The following CSMD1 variants were observed in gnomAD, a reference collection of about 807,000 sequenced individuals.
CSMD1 encodes the protein CUB and Sushi multiple domains 1.
A neutral mutation model predicts 417.5 loss-of-function variants in CSMD1; 213 were observed. The ratio of observed to expected loss-of-function variants is 0.51; its 90% CI spans 0.46 to 0.57. The LOEUF (loss-of-function observed/expected upper bound fraction) is 0.57, where lower values mean the gene tolerates loss of function less well. Ranked by LOEUF, CSMD1 falls within the 20% of genes least tolerant of loss-of-function variation. CSMD1 has a pLI of 0.00. For missense variants in CSMD1, 6,923 were observed against 4,529.7 expected, an observed-to-expected ratio of 1.53 and a Z score of -15.17; for synonymous variants, 2,862 against 1,736.8, an observed-to-expected ratio of 1.65 and a Z score of -16.11.
intron 1 of CSMD1, among the ~76,000 whole-genome samples, chr8:4,854,115 G>A (rs746444193): frequency 2.0e-5 from 3 of 152,146 alleles, no homozygotes; most frequent in Non-Finnish European, 4.4e-5. Context: ...GAACTTTTGA[G>A]TTAATGCAGA....
chr8:4,522,651 T>C (rs767057633), intron 2 of CSMD1, among the ~76,000 whole-genome samples: 14 of 152,176 alleles, frequency 9.2e-5, no homozygotes, highest in Non-Finnish European at 1.9e-4. Context: ...GTTCGGATTT[T>C]CTTCTCTGTC....
At chr8:4,185,919 G>C (rs1798648913) in intron 3 of CSMD1, among the ~76,000 whole-genome samples, 1 of 152,038 alleles carries the variant, frequency 6.6e-6, no homozygotes, top group South Asian at 2.1e-4. Context: ...ATTACGTTGA[G>C]TTCATTTCCC....
chr8:3,372,936 G>T (rs553199138), intron 18 of CSMD1, among the ~76,000 whole-genome samples: 1 of 152,226 alleles, frequency 6.6e-6, no homozygotes, highest in South Asian at 2.1e-4. Context: ...GAGGAGTCCC[G>T]AATTCAGAAG....
At chr8:4,807,357 G>A (rs994544251) in intron 1 of CSMD1, among the ~76,000 whole-genome samples, 1 of 152,128 alleles carries the variant, frequency 6.6e-6, no homozygotes, top group African/African-American at 2.4e-5. Flanking sequence ...CCTATTCAGG[G>A]CAGTACTCTC....
intron 3 of CSMD1, among the ~76,000 whole-genome samples, chr8:4,276,802 T>G (rs1796514116): frequency 6.6e-6 from 1 of 152,128 alleles, no homozygotes; most frequent in African/African-American, 2.4e-5. Context: ...GAACAGTGGT[T>G]TTCCCTGAGA....
At chr8:3,867,579 G>C (rs960653737) in intron 5 of CSMD1, among the ~76,000 whole-genome samples, 2 of 152,044 alleles carry the variant, frequency 1.3e-5, no homozygotes, top group East Asian at 3.8e-4. Flanking sequence ...GAACTGTGTG[G>C]ATATCTGAAA....
At chr8:3,864,199 A>G (rs1247669326) in intron 5 of CSMD1, among the ~76,000 whole-genome samples, 6 of 152,240 alleles carry the variant, frequency 3.9e-5, no homozygotes, top group African/African-American at 1.4e-4. Context: ...AAACAGAATA[A>G]TAATTCAGAA....
chr8:3,768,722 T>G (rs1378979928), intron 5 of CSMD1, among the ~76,000 whole-genome samples: 1 of 152,244 alleles, frequency 6.6e-6, no homozygotes, highest in South Asian at 2.1e-4. Context: ...AATTTCTTTA[T>G]TAACACGCAA....
At chr8:4,836,841 A>T (rs1327345206) in intron 1 of CSMD1, among the ~76,000 whole-genome samples, 1 of 152,018 alleles carries the variant, frequency 6.6e-6, no homozygotes, top group Non-Finnish European at 1.5e-5. Flanking sequence ...AAAAAAGTAG[A>T]CGCTGTCTCC....
chr8:4,109,267 G>C (rs904992569), intron 3 of CSMD1, among the ~76,000 whole-genome samples: 1 of 152,130 alleles, frequency 6.6e-6, no homozygotes, highest in East Asian at 1.9e-4. Flanking sequence ...ACCCTTGGTT[G>C]TTTGCAGAAC....
chr8:4,778,880 G>T (rs777267247), intron 1 of CSMD1, among the ~76,000 whole-genome samples: 6 of 152,124 alleles, frequency 3.9e-5, no homozygotes, highest in Non-Finnish European at 7.4e-5. Flanking sequence ...AATGTAGTTA[G>T]GACAAAAGAA....
intron 52 of CSMD1, among the ~76,000 whole-genome samples, chr8:3,014,607 C>A (rs1192971055): frequency 1.3e-5 from 2 of 152,114 alleles, no homozygotes; most frequent in Non-Finnish European, 2.9e-5. Context: ...TTTATAAGCT[C>A]CTTATCTTTG....
At chr8:3,232,362 T>A (rs1280472709) in intron 26 of CSMD1, among the ~76,000 whole-genome samples, 1 of 152,340 alleles carries the variant, frequency 6.6e-6, no homozygotes, top group African/African-American at 2.4e-5. Context: ...TCTCTGTCTC[T>A]CTCCCCCTTG....
intron 3 of CSMD1, among the ~76,000 whole-genome samples, chr8:4,107,007 G>T (rs1801602537): frequency 1.3e-5 from 2 of 152,172 alleles, no homozygotes; most frequent in Admixed American, 1.3e-4. Flanking sequence ...AACACTAACA[G>T]GAGAGAAAAT....
intron 5 of CSMD1, among the ~76,000 whole-genome samples, chr8:3,917,184 A>C (rs1375843657): frequency 2.0e-5 from 3 of 152,198 alleles, no homozygotes; most frequent in Non-Finnish European, 4.4e-5. Context: ...ATATTTATGG[A>C]GCGCTTAATC....
intron 3 of CSMD1, among the ~76,000 whole-genome samples, chr8:4,214,733 A>G (rs1184488056): frequency 1.3e-5 from 2 of 152,200 alleles, no homozygotes; most frequent in African/African-American, 4.8e-5. Context: ...ACAGAGAACT[A>G]CATATTCCCA....
chr8:4,194,492 G>A (rs904332111), intron 3 of CSMD1, among the ~76,000 whole-genome samples: 2 of 152,098 alleles, frequency 1.3e-5, no homozygotes, highest in African/African-American at 4.8e-5. Flanking sequence ...AATAAATAGT[G>A]ATTATCATGT....
chr8:4,674,269 T>C (rs941720837), intron 1 of CSMD1, among the ~76,000 whole-genome samples: 2 of 152,092 alleles, frequency 1.3e-5, no homozygotes, highest in Non-Finnish European at 2.9e-5. Context: ...GGAGGTTATG[T>C]TGAGTCTGGC....
intron 41 of CSMD1, among the ~76,000 whole-genome samples, chr8:3,121,496 G>C (rs1174665448): frequency 1.3e-5 from 2 of 152,166 alleles, no homozygotes; most frequent in Non-Finnish European, 2.9e-5. Flanking sequence ...TCCTCCCAGA[G>C]CGGGAGAGGA....
Sources: gnomAD v4.1 joint callset for allele counts (sites outside exome capture counted in the v4.1 genomes callset) on GRCh38, gnomAD v4.1.1 for gene constraint, MANE v1.5 for transcripts, NCBI Gene and HGNC (gene_info 2026-07-23, HGNC 2026-07-21) for gene names.